PSG7: variants seen among roughly 807,000 people sequenced by gnomAD.
The protein encoded by PSG7 is pregnancy-specific beta-1-glycoprotein 7.
PSG7 carries 57 observed loss-of-function variants against 45.6 expected under a neutral mutation model. That is an observed-to-expected ratio of 1.25 (90% CI 1.01 to 1.56). The LOEUF (loss-of-function observed/expected upper bound fraction) is 1.56. Ranked by LOEUF, PSG7 falls within the 40% of genes most tolerant of loss-of-function variation. The pLI, the probability that PSG7 is intolerant of heterozygous loss-of-function variation, is 0.00. For missense variants in PSG7, 796 were observed against 508.4 expected, an observed-to-expected ratio of 1.57 and a Z score of -5.44; for synonymous variants, 298 against 194.4, an observed-to-expected ratio of 1.53 and a Z score of -4.43.
In PSG7 at chr19:42,926,310, C is replaced by T. The variant is rs763956970; in HGVS notation, c.988+128G>A. 2.1e-5 allele frequency: 32 copies of T among 1,527,866 alleles called. 2 individuals are homozygous for T. Among genetic ancestry groups the T allele is most frequent in the South Asian group, 9.2e-5 (7 of 75,954 alleles). 94.6% of individuals were successfully genotyped at this position (1,527,866 alleles called of 1,614,324 possible). On this transcript the variant is annotated intron_variant, in intron 4 of 5. Coordinates refer to ENST00000406070, the MANE Select transcript of PSG7 (RefSeq NM_002783.3). Reference sequence around the variant, plus strand: ...CCAGGGCAGGGAGTCATGGCCAGCTCGGATGTCCAGAAGTAAATATGTCTA... The same window carrying T: ...CCAGGGCAGGGAGTCATGGCCAGCTTGGATGTCCAGAAGTAAATATGTCTA...
chr19:42,927,527 A>T (rs1055139559), intron 3 of PSG7: 7 of 151,620 alleles, frequency 4.6e-5, no homozygotes, highest in African/African-American at 1.5e-4. Flanking sequence ...ACATGTGGAC[A>T]TTTGCAAATG....
At chr19:42,933,307 A>ATATATATATAT (rs56691588) in intron 2 of PSG7, among the ~76,000 whole-genome samples, 21 of 13,500 alleles carry the variant, frequency 1.6e-3, no homozygotes, top group South Asian at 7.0e-3. Flanking sequence ...ATATATATAT[A>ATATATATATAT]TTTTTTTTTT....
At chr19:42,928,499 T>C (rs933579506) in intron 3 of PSG7, among the ~76,000 whole-genome samples, 1 of 151,638 alleles carries the variant, frequency 6.6e-6, no homozygotes, top group Non-Finnish European at 1.5e-5. Context: ...TCATTTGACC[T>C]TTTTGGTTAA....
Position 42,924,447 on chromosome 19 carries a change from A to T in PSG7, c.*361T>A. ...TGTTGTTACCCTCAGAAGCTCCTAT[A>T]CTACATGTGAAATTCTAATGACTGC... On this transcript the variant is annotated 3_prime_UTR_variant, in exon 6 of 6. Transcript: ENST00000406070. The T allele has an allele frequency of 1.9e-6, 1 of 531,278 alleles. No homozygotes were observed. Among genetic ancestry groups the T allele is most frequent in the South Asian group, 3.5e-5 (1 of 28,282 alleles). The allele number at this position is 531,278 out of a possible 1,614,324, so 32.9% of individuals were successfully genotyped here.
In PSG7 at chr19:42,935,756, G is replaced by T. The variant is rs368344111; in HGVS notation, c.78C>A (p.Asn26Lys). The change falls in exon 2 of 6, where the codon AAC (asparagine) becomes AAA (lysine). Residue 26 changes from asparagine to lysine, a missense_variant. Physicochemically the swap from Asn to Lys is moderately conservative, Grantham distance 94. Coordinates refer to ENST00000406070, the MANE Select transcript of PSG7 (RefSeq NM_002783.3). ...KGLLLTASLLNFWNPPTTAQV... is the reference protein window; with the variant it reads ...KGLLLTASLLKFWNPPTTAQV... ...GGGCTGTGGTGGGCGGGTTCCAGAA[G>T]TTTAAAAGTGATGCTAGGAGGTGGA... 6.2e-7 allele frequency: 1 copy of T among 1,610,206 alleles called. No homozygotes were observed. Among genetic ancestry groups the T allele is most frequent in the Non-Finnish European group, 8.5e-7 (1 of 1,178,270 alleles).
rs760852328 is a variant in PSG7, at chr19:42,929,631, G to A, written c.520C>T (p.Pro174Ser). 9.9e-6 allele frequency: 16 copies of A among 1,612,430 alleles called. No individual in the cohort carries two copies. The highest frequency in any genetic ancestry group is 8.5e-6 in the Non-Finnish European group (10 of 1,179,232). Residue 174 changes from proline to serine, a missense_variant, in exon 3 of 6, where the codon CCA (proline) becomes TCA (serine). Coordinates refer to ENST00000406070, the MANE Select transcript of PSG7 (RefSeq NM_002783.3). Reference protein sequence around the residue: ...AVILTCDPETPDASYLWWMNG... With the variant: ...AVILTCDPETSDASYLWWMNG... ...ATCCACCACAGGTAGCTTGCATCTGGAGTCTCAGGATCACAGGTTAAAATC... is the reference window on the plus strand; with the variant it reads ...ATCCACCACAGGTAGCTTGCATCTGAAGTCTCAGGATCACAGGTTAAAATC...
intron 2 of PSG7, among the ~76,000 whole-genome samples, chr19:42,933,308 T>TATATATA (rs1555745220): frequency 6.6e-3 from 78 of 11,740 alleles, no homozygotes; most frequent in East Asian, 0.014. Context: ...TATATATATA[T>TATATATA]TTTTTTTTTT....
intron 1 of PSG7, 118 bp from the exon 2 acceptor site, chr19:42,935,887 C>G (rs559412093): frequency 8.4e-7 from 1 of 1,186,884 alleles, no homozygotes; most frequent in Non-Finnish European, 1.2e-6. Context: ...CACACACACA[C>G]ACACACACAC....
intron 2 of PSG7, among the ~76,000 whole-genome samples, chr19:42,932,163 A>G (rs1973034856): frequency 6.6e-6 from 1 of 151,224 alleles, no homozygotes. Flanking sequence ...AGCTGGGACT[A>G]CAGGTGCCCA....
Position 42,936,108 on chromosome 19 carries a change from G to A in PSG7, c.65-339C>T, listed in dbSNP as rs181212165. The A allele has an allele frequency of 1.6e-4, 47 of 287,450 alleles. No homozygotes were observed. The Admixed American group carries it at 1.9e-3, about 12-fold the overall frequency. 17.8% of individuals were successfully genotyped at this position (287,450 alleles called of 1,614,324 possible). On this transcript the variant is annotated intron_variant, in intron 1 of 5. Coordinates refer to ENST00000406070, the MANE Select transcript of PSG7 (RefSeq NM_002783.3). Reference sequence around the variant, plus strand: ...GCCCTCAGGTTCTGCTCACATCAGGGCATCCTTAGACTTCTTTCCTGACAC... The same window carrying A: ...GCCCTCAGGTTCTGCTCACATCAGGACATCCTTAGACTTCTTTCCTGACAC...
At chr19:42,928,800 T>A (rs1485643343) in intron 3 of PSG7, among the ~76,000 whole-genome samples, 1 of 151,486 alleles carries the variant, frequency 6.6e-6, no homozygotes, top group Non-Finnish European at 1.5e-5. Flanking sequence ...GGGACTATGA[T>A]CCTCTTGATT....
At position 42,937,161 on chromosome 19, in the gene PSG7, C is replaced by T. The variant is rs10410311; in HGVS notation, c.-85G>A. 0.16 allele frequency: 251,236 copies of T among 1,533,668 alleles called. 28,192 individuals are homozygous for T. Among genetic ancestry groups the T allele is most frequent in the East Asian group, 0.41 (17,751 of 43,604 alleles). ...TGAGCACGGCTGTCAGCTGTGCTGT[C>T]CTTCCTCCTTCTGCACTGAGCCTCT... On this transcript the variant is annotated 5_prime_UTR_variant, in exon 1 of 6. Coordinates refer to ENST00000406070, the MANE Select transcript of PSG7 (RefSeq NM_002783.3).
At position 42,937,131 on chromosome 19, in the gene PSG7, C is replaced by A. The variant is rs372875900; in HGVS notation, c.-55G>T. Reference sequence around the variant, plus strand: ...TGGAGATGAGCCTAGGATCCAGAATCTTCCTGAGCACGGCTGTCAGCTGTG... The same window carrying A: ...TGGAGATGAGCCTAGGATCCAGAATATTCCTGAGCACGGCTGTCAGCTGTG... On this transcript the variant is annotated 5_prime_UTR_variant, in exon 1 of 6. Coordinates refer to ENST00000406070, the MANE Select transcript of PSG7 (RefSeq NM_002783.3). 34 of 1,590,468 alleles carry A rather than the reference C, an allele frequency of 2.1e-5. 1 individual carries two copies. The highest frequency in any genetic ancestry group is 4.1e-5 in the African/African-American group (3 of 73,892).
At chr19:42,933,265 CAATATATATATATATATA>C (rs1378308896) in intron 2 of PSG7, among the ~76,000 whole-genome samples, 671 of 30,368 alleles carry the variant, frequency 0.022, 42 homozygotes, top group African/African-American at 0.058. Context: ...ATCACCATTT[CAATATATATATATATATA>C]TATATATATA....
At chr19:42,925,428 G>T in intron 5 of PSG7, 1 of 533,992 alleles carries the variant, frequency 1.9e-6, no homozygotes. Flanking sequence ...GCTAGAGATA[G>T]ATTAAAAGAC....
In PSG7 at chr19:42,937,002, T is replaced by C. The variant is rs375426795; in HGVS notation, c.64+11A>G. On this transcript the variant is annotated intron_variant, in intron 1 of 5. Transcript: ENST00000406070. ...CTTTTCCTGTCCTCTCCCAGGAAGT[T>C]CTCTCCTCACCTGTGAGCAGGAGCC... 6.0e-5 allele frequency: 97 copies of C among 1,610,676 alleles called. 1 individual carries two copies. The highest frequency in any genetic ancestry group is 6.7e-5 in the East Asian group (3 of 44,752).
chr19:42,925,490 AAAT>A, intron 5 of PSG7: 1 of 885,956 alleles, frequency 1.1e-6, no homozygotes, highest in Non-Finnish European at 1.6e-6. Context: ...GCATATTTTC[AAAT>A]AAAAATCATA....
At chr19:42,929,784 T>C (rs1055958138) in intron 2 of PSG7, 64 bp from the exon 3 acceptor site, 14 of 1,560,282 alleles carry the variant, frequency 9.0e-6, no homozygotes, top group Non-Finnish European at 1.2e-5. Context: ...AAGGCATTTT[T>C]CAATCAGAGT....
chr19:42,935,373 C>T (rs782058747), intron 2 of PSG7, 31 bp downstream of exon 2: 7 of 1,610,450 alleles, frequency 4.3e-6, no homozygotes, highest in African/African-American at 1.3e-5. Context: ...CCCTGCCCCC[C>T]AACACCCAGG....
Sources: allele counts gnomAD v4.1 joint callset (sites outside exome capture counted in the v4.1 genomes callset), GRCh38; gene constraint gnomAD v4.1.1; transcripts MANE v1.5; gene names NCBI Gene and HGNC (gene_info 2026-07-23, HGNC 2026-07-21).